The following MROH2A variants were observed in gnomAD, a reference collection of about 807,000 sequenced individuals.
The protein encoded by MROH2A is maestro heat-like repeat-containing protein family member 2A.
Under a neutral mutation model 200.4 loss-of-function variants are expected in MROH2A, and 174 were observed. The ratio of observed to expected loss-of-function variants is 0.87; its 90% CI spans 0.77 to 0.98. The LOEUF is 0.98. Ranked by LOEUF, MROH2A falls within the 50% of genes least tolerant of loss-of-function variation. The pLI, the probability that MROH2A is intolerant of heterozygous loss-of-function variation, is 0.00. For missense variants in MROH2A, 2,045 were observed against 2,139.6 expected, an observed-to-expected ratio of 0.96 and a Z score of 0.87; for synonymous variants, 829 against 840.4, an observed-to-expected ratio of 0.99 and a Z score of 0.23.
At chr2:233,826,995 G>T (rs1704357996) in intron 35 of MROH2A, among the ~76,000 whole-genome samples, 1 of 152,138 alleles carries the variant, frequency 6.6e-6, no homozygotes, top group African/African-American at 2.4e-5. Context: ...TGATCATTAG[G>T]TAAATGCAAA....
Position 233,828,710 on chromosome 2 carries a change from G to C in MROH2A, c.4194G>C (p.Glu1398Asp). 6.4e-7 allele frequency: 1 copy of C among 1,550,720 alleles called. No homozygotes were observed. The highest frequency in any genetic ancestry group is 8.7e-7 in the Non-Finnish European group (1 of 1,147,026). ...TGCTGGAGAAGGGTGCCGACCAGGA[G>C]GAAGACGAGGCCCTGCGGGTGCTGT... ...ALLLEKGADQ[E>D]EDEALRVLSL... The change falls in exon 36 of 42, where the codon GAG (glutamate) becomes GAC (aspartate). Residue 1398 changes from glutamate (E) to aspartate (D), a missense_variant. By Grantham distance (45) the Glu-to-Asp change is conservative. Around this residue, in one of 3 missense-constraint regions of MROH2A, gnomAD observed 1,201 missense variants for 1,311.3 expected, o/e 0.92. Transcript: ENST00000389758. This position sits in a 1 kb window ranked among gnomAD's most constrained non-coding sequence, Gnocchi z 4.6.
chr2:233,795,668 C>A lies in MROH2A; in HGVS notation c.982C>A (p.Leu328Met), dbSNP rs1026588285. 6.4e-6 allele frequency: 10 copies of A among 1,551,054 alleles called. No homozygotes were observed. The highest frequency in any genetic ancestry group is 8.7e-6 in the Non-Finnish European group (10 of 1,147,038). The change falls in exon 9 of 42, where the codon CTG becomes ATG. Residue 328 changes from leucine (L) to methionine (M), a missense_variant. By Grantham distance (15) the Leu-to-Met change is conservative. This residue lies in a region of MROH2A where 831 missense variants were observed against 800.0 expected (regional missense o/e 1.04). Coordinates refer to ENST00000389758, the MANE Select transcript of MROH2A (RefSeq NM_001394639.1). Reference protein sequence around the residue: ...LFVTQVLRQILELSVTTNTPV... With the variant: ...LFVTQVLRQIMELSVTTNTPV... ...TCCACTGCAGGTCTTGAGGCAGATC[C>A]TGGAACTGTCAGTCACCACCAACAC... is the stretch of plus-strand genomic sequence containing the variant.
At chr2:233,785,915 C>T (rs564172513) in intron 3 of MROH2A, among the ~76,000 whole-genome samples, 58 of 152,182 alleles carry the variant, frequency 3.8e-4, no homozygotes, top group African/African-American at 1.3e-3. Flanking sequence ...AGCTGGAAGT[C>T]CCTGATTGAG....
intron 38 of MROH2A, among the ~76,000 whole-genome samples, chr2:233,830,501 A>C (rs1221704183): frequency 6.6e-6 from 1 of 152,216 alleles, no homozygotes; most frequent in Non-Finnish European, 1.5e-5. Context: ...CATTTTCAGC[A>C]GGTGCCTTGG....
Position 233,787,621 on chromosome 2 carries a change from C to T in MROH2A, c.277-1876C>T, listed in dbSNP as rs1328159860. On this transcript the variant is annotated intron_variant, in intron 3 of 41. Coordinates refer to ENST00000389758, the MANE Select transcript of MROH2A (RefSeq NM_001394639.1). The stretch of plus-strand genomic sequence containing the variant: ...TTATATATTATATATATCATATATA[C>T]ATATATATTATATATATTATATATA... 2.9e-4 allele frequency among the ~76,000 whole-genome samples: 13 copies of T among 45,194 alleles called. 1 individual carries two copies. The highest frequency in any genetic ancestry group is 3.7e-4 in the Admixed American group (1 of 2,682). The allele number at this position is 45,194 out of a possible 152,430, so 29.6% of individuals were successfully genotyped here. A position where few individuals can be genotyped will look rare whatever the true frequency, so the allele number is the denominator to read the frequency against.
chr2:233,795,756 C>T lies in MROH2A; in HGVS notation c.1059+11C>T. 1.9e-6 allele frequency: 3 copies of T among 1,550,992 alleles called. No homozygotes were observed. The highest frequency in any genetic ancestry group is 2.6e-6 in the Non-Finnish European group (3 of 1,147,084). On this transcript the variant is annotated intron_variant, in intron 9 of 41. Coordinates refer to ENST00000389758, the MANE Select transcript of MROH2A (RefSeq NM_001394639.1). ...GAACTGCACGTCCAGGTGAGGCCAG[C>T]AAGCTCAGCTGGACAAGGGCATTCT...
At chr2:233,796,833 C>T (rs376242572) in intron 11 of MROH2A, among the ~76,000 whole-genome samples, 1 of 152,210 alleles carries the variant, frequency 6.6e-6, no homozygotes, top group Non-Finnish European at 1.5e-5. Context: ...GGGCAGCTCC[C>T]GCTCAGCCCT....
rs1235941114 is a variant in MROH2A, at chr2:233,828,690, G to A, written c.4174G>A (p.Glu1392Lys). The change falls in exon 36 of 42, where the codon GAG becomes AAG. Residue 1392 changes from glutamate to lysine, a missense_variant. Glu to Lys is a moderately conservative substitution (Grantham distance 56, BLOSUM62 1). This residue lies in a region of MROH2A where 1,201 missense variants were observed against 1,311.3 expected (regional missense o/e 0.92). Transcript: ENST00000389758. The surrounding 1 kb of genome is among the most constrained non-coding windows in gnomAD (Gnocchi z 4.6). The part of the protein sequence containing the change: ...KLLKPAALLL[E>K]KGADQEEDEA... ...GCTGAAGCCGGCAGCTTTGCTGCTG[G>A]AGAAGGGTGCCGACCAGGAGGAAGA... 1.7e-5 allele frequency: 26 copies of A among 1,550,604 alleles called. No homozygotes were observed. The highest frequency in any genetic ancestry group is 2.2e-5 in the Non-Finnish European group (25 of 1,147,024).
intron 27 of MROH2A, 49 bp from the exon 28 acceptor site, chr2:233,817,953 T>C (rs1434039150): frequency 1.9e-6 from 3 of 1,548,546 alleles, no homozygotes; most frequent in Admixed American, 2.0e-5. Flanking sequence ...CAGCCCCAGG[T>C]GTGCATGAGA....
In MROH2A at chr2:233,779,860, C is replaced by T. The variant is rs1700855990; in HGVS notation, c.276+8C>T. Reference sequence around the variant, plus strand: ...TGCCTGCAGGTGCCAGAGGTAGGGCCATCTTACCCACTGGGCTCAGCCACC... The same window carrying T: ...TGCCTGCAGGTGCCAGAGGTAGGGCTATCTTACCCACTGGGCTCAGCCACC... On this transcript the variant is annotated splice_region_variant and intron_variant, in intron 3 of 41. Coordinates refer to ENST00000389758, the MANE Select transcript of MROH2A (RefSeq NM_001394639.1). The T allele has an allele frequency of 6.5e-7, 1 of 1,547,648 alleles. No individual in the cohort carries two copies. Among genetic ancestry groups the T allele is most frequent in the Non-Finnish European group, 8.7e-7 (1 of 1,145,832 alleles).
At chr2:233,800,409 G>T in intron 14 of MROH2A, 94 bp downstream of exon 14, 2 of 754,252 alleles carry the variant, frequency 2.7e-6, no homozygotes, top group Non-Finnish European at 4.3e-6. Context: ...TGCTTCTTCC[G>T]TTCCTGCTGT....
chr2:233,804,694 A>C (rs1702679864), intron 18 of MROH2A, 147 bp downstream of exon 18: 6 of 769,230 alleles, frequency 7.8e-6, no homozygotes, highest in Non-Finnish European at 1.3e-5. Context: ...TGGGAGTTAC[A>C]AAGTCTATAG....
chr2:233,814,526 G>T lies in MROH2A; in HGVS notation c.2761-56G>T. ...CCCTGGCATGAACTCCCTGCAGGGA[G>T]GGGGGTTGTGGGTGCCCCTCATTGC... On this transcript the variant is annotated intron_variant, in intron 25 of 41. Transcript: ENST00000389758. 3.1e-6 allele frequency: 4 copies of T among 1,289,678 alleles called. No homozygotes were observed. In the South Asian group the frequency reaches 5.2e-5, roughly 17 times the overall value. The allele number at this position is 1,289,678 out of a possible 1,614,324, so 79.9% of individuals were successfully genotyped here.
chr2:233,790,106 T>G, intron 5 of MROH2A, 92 bp downstream of exon 5: 1 of 1,184,134 alleles, frequency 8.4e-7, no homozygotes, highest in Non-Finnish European at 1.2e-6. Flanking sequence ...GTTCACCTCT[T>G]CCTCTTACCT....
intron 24 of MROH2A, among the ~76,000 whole-genome samples, chr2:233,813,329 T>G (rs1050218416): frequency 3.9e-5 from 6 of 152,028 alleles, no homozygotes; most frequent in African/African-American, 1.4e-4. Flanking sequence ...TGAAAGCCCC[T>G]GGACTAGCAC....
At chr2:233,800,630 TA>T (rs1208581983) in intron 14 of MROH2A, among the ~76,000 whole-genome samples, 3 of 62,302 alleles carry the variant, frequency 4.8e-5, no homozygotes, top group African/African-American at 7.6e-5. Context: ...TGTGTGTGTG[TA>T]TGTGTGTGTG....
intron 11 of MROH2A, among the ~76,000 whole-genome samples, chr2:233,797,673 A>G (rs1702205611): frequency 6.6e-6 from 1 of 152,204 alleles, no homozygotes; most frequent in Non-Finnish European, 1.5e-5. Flanking sequence ...TGCAATGAAC[A>G]TATGCTATTT....
Position 233,796,219 on chromosome 2 carries a change from G to A in MROH2A, c.1158G>A (p.Glu386=). The A allele has an allele frequency of 2.6e-6, 4 of 1,550,338 alleles. No homozygotes were observed. Among genetic ancestry groups the A allele is most frequent in the Admixed American group, 2.0e-5 (1 of 50,970 alleles). Residue 386 remains glutamate (E), a synonymous_variant, in exon 11 of 42, where the codon GAG becomes GAA. Transcript: ENST00000389758. ...FVALARSYPK[E]LMKFFFSQME... is the part of the protein sequence containing the mutation. Reference sequence around the variant, plus strand: ...CTGCAGCTCGCTCCTACCCCAAGGAGCTGATGAAGTTCTTCTTCAGCCAGA... The same window carrying A: ...CTGCAGCTCGCTCCTACCCCAAGGAACTGATGAAGTTCTTCTTCAGCCAGA...
In MROH2A at chr2:233,804,650, T is replaced by C. The variant is rs962734955; in HGVS notation, c.1944+103T>C. 1.6e-5 allele frequency: 16 copies of C among 1,007,758 alleles called. No individual in the cohort carries two copies. The Admixed American group carries it at 2.1e-4, about 13-fold the overall frequency. 62.4% of individuals were successfully genotyped at this position (1,007,758 alleles called of 1,614,324 possible). A position where few individuals can be genotyped will look rare whatever the true frequency, so the allele number is the denominator to read the frequency against. On this transcript the variant is annotated intron_variant, in intron 18 of 41. Coordinates refer to ENST00000389758, the MANE Select transcript of MROH2A (RefSeq NM_001394639.1). ...GGCACATGAGGAGTTTAGAAGCCCC[T>C]AAAGGACATGTTCTCCTTCTGTCAG... is the stretch of plus-strand genomic sequence containing the variant.
Sources: allele counts gnomAD v4.1 joint callset (sites outside exome capture counted in the v4.1 genomes callset), GRCh38; gene constraint gnomAD v4.1.1; regional missense constraint gnomAD v4.1.1; non-coding constraint Gnocchi (gnomAD v3.1); transcripts MANE v1.5; gene names NCBI Gene and HGNC (gene_info 2026-07-23, HGNC 2026-07-21).